The following CACNA1C variants were observed in gnomAD, a reference collection of about 807,000 sequenced individuals.
CACNA1C encodes voltage-dependent L-type calcium channel subunit alpha-1C.
In CACNA1C, 30 loss-of-function variants were observed where a neutral mutation model predicts 229.0. The ratio of observed to expected loss-of-function variants is 0.13; its 90% CI spans 0.10 to 0.18. CACNA1C has a LOEUF of 0.18. Among genes scored for constraint, CACNA1C ranks in the 10% least tolerant of loss-of-function variants. The probability of loss-of-function intolerance (pLI) is 1.00; values close to 1 mark genes in which losing one functional copy is unlikely to be tolerated. For missense variants in CACNA1C, 1,658 were observed against 2,845.0 expected, an observed-to-expected ratio of 0.58 and a Z score of 9.49; for synonymous variants, 1,114 against 1,132.5, an observed-to-expected ratio of 0.98 and a Z score of 0.33.
At chr12:2,258,986 A>T (rs753828680) in intron 3 of CACNA1C, among the ~76,000 whole-genome samples, 11 of 152,242 alleles carry the variant, frequency 7.2e-5, no homozygotes, top group Admixed American at 1.3e-4. Context: ...GATGAGGGAG[A>T]TGGAATTACA....
At chr12:2,190,368 C>T (rs189522557) in intron 3 of CACNA1C, among the ~76,000 whole-genome samples, 257 of 152,248 alleles carry the variant, frequency 1.7e-3, no homozygotes, top group African/African-American at 5.9e-3. Flanking sequence ...TTTGCTCATC[C>T]CCGCCCCGCA....
upstream of CACNA1C, chr12:2,049,139 A>C (rs1297454473): frequency 6.6e-6 from 1 of 152,244 alleles, no homozygotes; most frequent in Non-Finnish European, 1.5e-5. Flanking sequence ...TGTAGAATTT[A>C]ACTGTATGAA....
intron 5 of CACNA1C, among the ~76,000 whole-genome samples, chr12:2,466,328 C>G (rs537001609): frequency 6.6e-6 from 1 of 152,202 alleles, no homozygotes; most frequent in Non-Finnish European, 1.5e-5. Context: ...CAGTTGGTGC[C>G]GCATTGTGCA....
chr12:2,409,499 T>C (rs2098781585), intron 3 of CACNA1C, among the ~76,000 whole-genome samples: 1 of 152,230 alleles, frequency 6.6e-6, no homozygotes, highest in South Asian at 2.1e-4. Context: ...CTGATGGATA[T>C]ATTAACCAGC....
chr12:2,118,382 AG>A (rs2084961023), intron 2 of CACNA1C, among the ~76,000 whole-genome samples: 1 of 152,250 alleles, frequency 6.6e-6, no homozygotes. Context: ...AGGCGAGAAA[AG>A]GTTTGGGAGG....
In CACNA1C at chr12:2,647,654, T is replaced by C. The variant is rs994401751; in HGVS notation, c.3913-821T>C. Reference sequence around the variant, plus strand: ...CTGGAGGCCCTCCTCAGTGTTGACTTGAAGTCGGTCTCCCCTAAACCTGAG... The same window carrying C: ...CTGGAGGCCCTCCTCAGTGTTGACTCGAAGTCGGTCTCCCCTAAACCTGAG... On this transcript the variant is annotated intron_variant, in intron 30 of 46. Transcript: ENST00000399655. The surrounding 1 kb of genome is among the most constrained non-coding windows in gnomAD (Gnocchi z 4.2). Among the ~76,000 whole-genome samples the C allele has an allele frequency of 1.3e-5, 2 of 152,176 alleles. No individual in the cohort carries two copies. Among genetic ancestry groups the C allele is most frequent in the Non-Finnish European group, 2.9e-5 (2 of 68,032 alleles).
intron 9 of CACNA1C, among the ~76,000 whole-genome samples, chr12:2,538,232 G>A (rs1422297960): frequency 6.6e-6 from 1 of 152,148 alleles, no homozygotes; most frequent in South Asian, 2.1e-4. Context: ...TTTTTAATAA[G>A]GCCACTTTGT....
At chr12:2,619,652 A>G (rs947725641) in intron 29 of CACNA1C, among the ~76,000 whole-genome samples, 3 of 151,342 alleles carry the variant, frequency 2.0e-5, no homozygotes, top group Non-Finnish European at 4.4e-5. Context: ...TCAAGCCTTC[A>G]GCTCAGTTTT....
At chr12:2,518,445 A>G (rs910570077) in intron 9 of CACNA1C, among the ~76,000 whole-genome samples, 6 of 152,058 alleles carry the variant, frequency 3.9e-5, no homozygotes, top group African/African-American at 1.4e-4. Flanking sequence ...CGTCTCTACT[A>G]AAAATACAAA....
At chr12:2,656,571 A>G (rs986440929) in intron 34 of CACNA1C, among the ~76,000 whole-genome samples, 3 of 152,228 alleles carry the variant, frequency 2.0e-5, no homozygotes, top group Non-Finnish European at 2.9e-5. Flanking sequence ...ATGGAAATGG[A>G]AAAAACAATC....
At chr12:2,684,568 TC>T (rs1389766346) in intron 43 of CACNA1C, among the ~76,000 whole-genome samples, 1 of 152,092 alleles carries the variant, frequency 6.6e-6, no homozygotes, top group Non-Finnish European at 1.5e-5. Context: ...TCAAGGAAAT[TC>T]CACAAACTAG....
intron 1 of CACNA1C, among the ~76,000 whole-genome samples, chr12:1,997,311 G>A (rs555374542): frequency 2.4e-4 from 37 of 152,250 alleles, no homozygotes; most frequent in African/African-American, 7.0e-4. Context: ...GGTGGATCAC[G>A]AGGTCAGGAG....
rs953920729 is a variant in CACNA1C, at chr12:2,053,037, G to C, written c.-526G>C. ...AACAGCTCCTGCCAGAGCGGCGCTC[G>C]GCGCGGCGCGGCGGGCCCGGAGCGG... On this transcript the variant is annotated 5_prime_UTR_variant, in exon 1 of 47. Coordinates refer to ENST00000399655, the MANE Select transcript of CACNA1C (RefSeq NM_000719.7). The surrounding 1 kb of genome is among the most constrained non-coding windows in gnomAD (Gnocchi z 5.8). 20 of 984,268 alleles carry C rather than the reference G, an allele frequency of 2.0e-5. No homozygotes were observed. The highest frequency in any genetic ancestry group is 1.2e-4 in the Admixed American group (2 of 16,212). 61.0% of individuals were successfully genotyped at this position (984,268 alleles called of 1,614,324 possible).
intron 21 of CACNA1C, among the ~76,000 whole-genome samples, chr12:2,599,620 C>T (rs1224486330): frequency 6.6e-6 from 1 of 152,168 alleles, no homozygotes. Context: ...GAGCCACGTC[C>T]CATTCCTTTC....
rs1334834052 is a variant in CACNA1C at position 2,566,223 on chromosome 12, T to C, written c.1509-199T>C. Among the ~76,000 whole-genome samples the C allele has an allele frequency of 6.6e-6, 1 of 152,156 alleles. No individual in the cohort carries two copies. Among genetic ancestry groups the C allele is most frequent in the African/African-American group, 2.4e-5 (1 of 41,450 alleles). On this transcript the variant is annotated intron_variant, in intron 11 of 46. Coordinates refer to ENST00000399655, the MANE Select transcript of CACNA1C (RefSeq NM_000719.7). The surrounding 1 kb of genome is among the most constrained non-coding windows in gnomAD (Gnocchi z 4.0). ...GCCCTCTTCCCGGGAGAACTGAAGC[T>C]TGGAGGAGTTCAGGGGCATCCCCAA...
intron 3 of CACNA1C, among the ~76,000 whole-genome samples, chr12:2,404,661 G>T (rs2098716111): frequency 6.6e-6 from 1 of 152,108 alleles, no homozygotes; most frequent in African/African-American, 2.4e-5. Context: ...GGGGCCCTGG[G>T]TTCCAGAAGA....
chr12:2,206,931 A>T (rs567927543), intron 3 of CACNA1C, among the ~76,000 whole-genome samples: 2 of 152,318 alleles, frequency 1.3e-5, no homozygotes, highest in East Asian at 1.9e-4. Flanking sequence ...GCTGCTGTTT[A>T]TATAGGAAAT....
At chr12:2,232,694 A>C (rs2065808888) in intron 3 of CACNA1C, among the ~76,000 whole-genome samples, 1 of 151,928 alleles carries the variant, frequency 6.6e-6, no homozygotes, top group Admixed American at 6.5e-5. Flanking sequence ...TGATTTTTCT[A>C]TTGTCCTTTT....
At chr12:2,620,400 G>A (rs1342279298) in intron 29 of CACNA1C, among the ~76,000 whole-genome samples, 1 of 152,170 alleles carries the variant, frequency 6.6e-6, no homozygotes, top group Non-Finnish European at 1.5e-5. Context: ...CCATGTTGTT[G>A]CTATGCGCTT....
Sources: allele counts gnomAD v4.1 joint callset (sites outside exome capture counted in the v4.1 genomes callset), GRCh38; gene constraint gnomAD v4.1.1; non-coding constraint Gnocchi (gnomAD v3.1); transcripts MANE v1.5; gene names NCBI Gene and HGNC (gene_info 2026-07-23, HGNC 2026-07-21).